ENPEP: variants seen among roughly 807,000 people sequenced by gnomAD.
The protein encoded by ENPEP is glutamyl aminopeptidase, also known as AP-A.
In ENPEP, 103 loss-of-function variants were observed where a neutral mutation model predicts 114.5. The ratio of observed to expected loss-of-function variants is 0.90; its 90% confidence interval spans 0.77 to 1.06. ENPEP has a LOEUF of 1.06. Ranked by LOEUF, ENPEP falls within the 50% of genes least tolerant of loss-of-function variation. The pLI, the probability that ENPEP is intolerant of heterozygous loss-of-function variation, is 0.00. For synonymous variants in ENPEP, 420 were observed against 422.0 expected, an observed-to-expected ratio of 1.00 and a Z score of 0.06; for missense variants, 1,196 against 1,161.3, an observed-to-expected ratio of 1.03 and a Z score of -0.43.
At position 110,488,610 on chromosome 4, in the gene ENPEP, C is replaced by G; in HGVS notation, c.714C>G (p.Asn238Lys). The G allele has an allele frequency of 6.2e-7, 1 of 1,613,896 alleles. No individual in the cohort carries two copies. Residue 238 changes from asparagine to lysine, a missense_variant, in exon 2 of 20, where the codon AAC (asparagine) becomes AAG (lysine). By Grantham distance (94) the Asn-to-Lys change is moderately conservative. Coordinates refer to ENST00000265162, the MANE Select transcript of ENPEP (RefSeq NM_001977.4). ...CTTTTCCTTGTTTTGATGAGCCCAA[C>G]AAAAAGGCAACTTATACAATATCTA... The part of the protein sequence containing the change: ...RKSFPCFDEP[N>K]KKATYTISIT...
At chr4:110,551,516 G>A (rs898194783) in intron 17 of ENPEP, among the ~76,000 whole-genome samples, 2 of 152,168 alleles carry the variant, frequency 1.3e-5, no homozygotes, top group Non-Finnish European at 2.9e-5. Context: ...AGTCCAGGCT[G>A]CAGTACGAGC....
At chr4:110,533,251 T>C (rs372820339) in intron 11 of ENPEP, 11 of 267,292 alleles carry the variant, frequency 4.1e-5, no homozygotes, top group African/African-American at 2.4e-4. Flanking sequence ...CTCAAGTGCT[T>C]TGTAAAATGC....
intron 11 of ENPEP, chr4:110,533,516 G>A (rs1452240042): frequency 6.6e-6 from 1 of 152,094 alleles, no homozygotes; most frequent in Non-Finnish European, 1.5e-5. Context: ...AAGTGCCTCT[G>A]TGGCAATGCA....
chr4:110,555,271 G>T (rs1167672727), intron 18 of ENPEP, among the ~76,000 whole-genome samples: 1 of 151,826 alleles, frequency 6.6e-6, no homozygotes, highest in Non-Finnish European at 1.5e-5. Context: ...AATATTAATT[G>T]TACTTGGCTT....
intron 4 of ENPEP, among the ~76,000 whole-genome samples, chr4:110,508,654 T>A (rs866553023): frequency 4.6e-5 from 7 of 151,966 alleles, no homozygotes; most frequent in African/African-American, 1.4e-4. Context: ...TACTAAAAAT[T>A]CAAAAAATTA....
intron 6 of ENPEP, among the ~76,000 whole-genome samples, chr4:110,512,263 G>A (rs958060724): frequency 2.6e-5 from 4 of 152,162 alleles, no homozygotes; most frequent in African/African-American, 9.7e-5. Flanking sequence ...CGGAAGGCCA[G>A]GAAAATGATA....
Position 110,476,864 on chromosome 4 carries a change from C to T in ENPEP, c.450C>T (p.Pro150=), listed in dbSNP as rs367787109. Residue 150 remains proline (P), a synonymous_variant, in exon 1 of 20, where the codon CCC becomes CCT. Transcript: ENST00000265162. Reference sequence around the variant, plus strand: ...CCCGGCTCCCGGAGCTGAAGAGGCCCTCTGGGGACCAGGTGCAAGTCCGGA... The same window carrying T: ...CCCGGCTCCCGGAGCTGAAGAGGCCTTCTGGGGACCAGGTGCAAGTCCGGA... ...RITRLPELKR[P]SGDQVQVRRC... The T allele has an allele frequency of 1.2e-6, 2 of 1,614,138 alleles. No individual in the cohort carries two copies. Among genetic ancestry groups the T allele is most frequent in the African/African-American group, 1.3e-5 (1 of 75,040 alleles).
At chr4:110,516,313 C>A (rs1479544500) in intron 8 of ENPEP, among the ~76,000 whole-genome samples, 1 of 152,136 alleles carries the variant, frequency 6.6e-6, no homozygotes, top group Non-Finnish European at 1.5e-5. Context: ...TTTCGTTTTT[C>A]TAACAGACCC....
chr4:110,544,619 A>G (rs1726982942), intron 13 of ENPEP, among the ~76,000 whole-genome samples: 1 of 152,156 alleles, frequency 6.6e-6, no homozygotes, highest in Admixed American at 6.6e-5. Context: ...GTATTTTTAA[A>G]CAGAATCATT....
intron 6 of ENPEP, among the ~76,000 whole-genome samples, chr4:110,510,838 G>A (rs949509603): frequency 5.3e-5 from 8 of 152,164 alleles, no homozygotes; most frequent in Non-Finnish European, 1.2e-4. Flanking sequence ...ATGCATGACA[G>A]GGAATATGAC....
At chr4:110,501,367 A>G (rs1178563866) in intron 3 of ENPEP, among the ~76,000 whole-genome samples, 2 of 152,136 alleles carry the variant, frequency 1.3e-5, no homozygotes, top group African/African-American at 4.8e-5. Context: ...TTTGGTGTAC[A>G]GATTGTTTCA....
chr4:110,533,084 A>G, intron 11 of ENPEP: 1 of 452,802 alleles, frequency 2.2e-6, no homozygotes, highest in African/African-American at 2.0e-5. Context: ...TGGTCACCAT[A>G]GTTAATTGAG....
intron 10 of ENPEP, among the ~76,000 whole-genome samples, chr4:110,523,162 G>T (rs749783509): frequency 6.6e-6 from 1 of 152,226 alleles, no homozygotes; most frequent in East Asian, 1.9e-4. Flanking sequence ...AAGCCCATCC[G>T]TTTGGTCAAC....
chr4:110,560,986 T>A (rs1309314472), intron 19 of ENPEP, among the ~76,000 whole-genome samples: 2 of 152,068 alleles, frequency 1.3e-5, no homozygotes, highest in Admixed American at 6.6e-5. Context: ...GTTTTATGAG[T>A]CCTTAATAAG....
At chr4:110,536,188 G>A (rs1390042489) in intron 11 of ENPEP, among the ~76,000 whole-genome samples, 1 of 150,392 alleles carries the variant, frequency 6.6e-6, no homozygotes, top group Non-Finnish European at 1.5e-5. Flanking sequence ...TTTAAATTGT[G>A]ATAGTGTGAT....
chr4:110,490,926 G>A, intron 2 of ENPEP, 107 bp from the exon 3 acceptor site: 1 of 1,189,896 alleles, frequency 8.4e-7, no homozygotes, highest in South Asian at 1.6e-5. Context: ...CTTTGACAAA[G>A]GACTTCTGGC....
chr4:110,482,783 C>T (rs569760524), intron 1 of ENPEP, among the ~76,000 whole-genome samples: 94 of 152,114 alleles, frequency 6.2e-4, no homozygotes, highest in African/African-American at 2.0e-3. Context: ...CTGAGGTGGG[C>T]GGATCACCTG....
At chr4:110,519,048 G>T (rs1725885356) in intron 8 of ENPEP, 1 of 455,596 alleles carries the variant, frequency 2.2e-6, no homozygotes, top group Non-Finnish European at 4.4e-6. Context: ...ACCTAAAAGT[G>T]ATTGCTGCTT....
chr4:110,490,294 C>G (rs1359159407), intron 2 of ENPEP, among the ~76,000 whole-genome samples: 1 of 152,198 alleles, frequency 6.6e-6, no homozygotes, highest in Non-Finnish European at 1.5e-5. Context: ...CATGCACACC[C>G]GTGCTTGAAG....
Sources: allele counts gnomAD v4.1 joint callset (sites outside exome capture counted in the v4.1 genomes callset), GRCh38; gene constraint gnomAD v4.1.1; transcripts MANE v1.5; gene names NCBI Gene and HGNC (gene_info 2026-07-23, HGNC 2026-07-21).